Variants in PDE7B observed in about 807,000 individuals in gnomAD.
PDE7B encodes phosphodiesterase 7B.
Under a neutral mutation model 56.2 loss-of-function variants are expected in PDE7B, and 29 were observed. That is an observed-to-expected ratio of 0.52 (90% CI 0.38 to 0.70). PDE7B has a LOEUF of 0.70. Ranked by LOEUF, PDE7B falls within the 30% of genes least tolerant of loss-of-function variation. The pLI, the probability that PDE7B is intolerant of heterozygous loss-of-function variation, is 0.00. For missense variants in PDE7B, 490 were observed against 565.0 expected, an observed-to-expected ratio of 0.87 and a Z score of 1.35; for synonymous variants, 197 against 196.9, an observed-to-expected ratio of 1.00 and a Z score of 0.00.
intron 2 of PDE7B, among the ~76,000 whole-genome samples, chr6:135,992,502 T>C (rs538342493): frequency 3.9e-5 from 6 of 152,362 alleles, no homozygotes; most frequent in African/African-American, 1.4e-4. Context: ...AAGCCAGCAC[T>C]GCACAGTGCC....
intron 2 of PDE7B, among the ~76,000 whole-genome samples, chr6:136,016,737 A>T (rs544593353): frequency 6.6e-6 from 1 of 152,190 alleles, no homozygotes; most frequent in African/African-American, 2.4e-5. Flanking sequence ...CTGCAACAGA[A>T]CTGGAAAGGC....
intron 2 of PDE7B, among the ~76,000 whole-genome samples, chr6:135,985,169 C>G (rs541485645): frequency 2.8e-4 from 43 of 152,162 alleles, no homozygotes; most frequent in Non-Finnish European, 5.7e-4. Context: ...AAAGGACTGT[C>G]ATGCTGCTGT....
chr6:135,929,302 C>T (rs548188176), intron 1 of PDE7B, among the ~76,000 whole-genome samples: 19 of 151,826 alleles, frequency 1.3e-4, no homozygotes, highest in African/African-American at 3.1e-4. Context: ...AATGAGCGTA[C>T]GGGACATGCA....
chr6:135,953,281 G>A (rs1030231634), intron 2 of PDE7B, among the ~76,000 whole-genome samples: 1 of 151,946 alleles, frequency 6.6e-6, no homozygotes, highest in Non-Finnish European at 1.5e-5. Flanking sequence ...ACACTTATGA[G>A]ACCTATATAC....
Position 136,186,054 on chromosome 6 carries a change from C to T in PDE7B, c.1046-982C>T, listed in dbSNP as rs1002188323. On this transcript the variant is annotated intron_variant, in intron 11 of 12. Coordinates refer to ENST00000308191, the MANE Select transcript of PDE7B (RefSeq NM_018945.4). ...GCAAATGTAATTGTGGGTTTTGCCACGGAAAGTAAGGGCAAAAAAAACACA... is the reference window on the plus strand; with the variant it reads ...GCAAATGTAATTGTGGGTTTTGCCATGGAAAGTAAGGGCAAAAAAAACACA... 7.3e-5 allele frequency among the ~76,000 whole-genome samples: 11 copies of T among 151,354 alleles called. No individual in the cohort carries two copies. The East Asian group carries it at 7.8e-4, about 11-fold the overall frequency.
At chr6:135,953,434 A>G (rs1015081305) in intron 2 of PDE7B, among the ~76,000 whole-genome samples, 1 of 152,174 alleles carries the variant, frequency 6.6e-6, no homozygotes, top group Non-Finnish European at 1.5e-5. Flanking sequence ...GAGGCATGTC[A>G]TTTAGGGGTT....
chr6:136,021,292 C>T (rs564688794), intron 2 of PDE7B, among the ~76,000 whole-genome samples: 1 of 152,262 alleles, frequency 6.6e-6, no homozygotes, highest in Non-Finnish European at 1.5e-5. Context: ...AACACAAGAG[C>T]CGCTGCTCTT....
intron 1 of PDE7B, among the ~76,000 whole-genome samples, chr6:135,903,634 A>C (rs1776045001): frequency 6.6e-6 from 1 of 152,198 alleles, no homozygotes; most frequent in Non-Finnish European, 1.5e-5. Context: ...TTCAGGGCCA[A>C]AGAGGTCCAT....
At chr6:135,936,033 C>T (rs1477486436) in intron 1 of PDE7B, among the ~76,000 whole-genome samples, 2 of 152,212 alleles carry the variant, frequency 1.3e-5, no homozygotes, top group Admixed American at 6.5e-5. Flanking sequence ...CTCAGAGGCT[C>T]TGCGTTTGCA....
chr6:136,078,445 A>G (rs73559590), intron 2 of PDE7B, among the ~76,000 whole-genome samples: 4,247 of 152,260 alleles, frequency 0.028, 194 homozygotes, highest in African/African-American at 0.095. Context: ...TGCTAGATCC[A>G]TTCTAGTCTC....
At chr6:136,172,500 A>T (rs561469396) in intron 8 of PDE7B, among the ~76,000 whole-genome samples, 8 of 151,952 alleles carry the variant, frequency 5.3e-5, no homozygotes, top group Non-Finnish European at 1.0e-4. Flanking sequence ...TTTCTTGTAA[A>T]TTTGTTTGAG....
chr6:135,928,483 T>TTAGATATA (rs1774235188), intron 1 of PDE7B, among the ~76,000 whole-genome samples: 1 of 96,866 alleles, frequency 1.0e-5, no homozygotes, highest in Admixed American at 1.6e-4. Context: ...ATATATATAT[T>TTAGATATA]TATTTATATA....
intron 2 of PDE7B, among the ~76,000 whole-genome samples, chr6:136,076,412 G>A (rs556836883): frequency 6.7e-4 from 102 of 152,248 alleles, no homozygotes; most frequent in Non-Finnish European, 1.3e-3. Context: ...GGCGGAGGTT[G>A]CAGTGAGCCA....
intron 8 of PDE7B, among the ~76,000 whole-genome samples, chr6:136,165,983 A>G (rs1310129435): frequency 1.3e-5 from 2 of 152,214 alleles, no homozygotes; most frequent in Admixed American, 1.3e-4. Flanking sequence ...AAGGCCATCA[A>G]AATGATGACT....
At chr6:135,983,002 G>A (rs1285166574) in intron 2 of PDE7B, among the ~76,000 whole-genome samples, 1 of 152,156 alleles carries the variant, frequency 6.6e-6, no homozygotes, top group Non-Finnish European at 1.5e-5. Context: ...GATCTGATGA[G>A]CACCATTAAT....
Position 136,176,409 on chromosome 6 carries a change from T to A in PDE7B, c.803+2521T>A, listed in dbSNP as rs190860878. 2.0e-5 allele frequency among the ~76,000 whole-genome samples: 3 copies of A among 152,264 alleles called. No homozygotes were observed. In the East Asian group the frequency reaches 5.8e-4, roughly 29 times the overall value. On this transcript the variant is annotated intron_variant, in intron 9 of 12. Transcript: ENST00000308191. ...GTGACCATAGAGATCATGCTTTACATGCTTTGCATTTTGTTTGTAGCATTA... is the reference window on the plus strand; with the variant it reads ...GTGACCATAGAGATCATGCTTTACAAGCTTTGCATTTTGTTTGTAGCATTA...
At chr6:135,926,101 AGGGGG>A (rs1458954637) in intron 1 of PDE7B, among the ~76,000 whole-genome samples, 1 of 16,862 alleles carries the variant, frequency 5.9e-5, no homozygotes, top group Non-Finnish European at 1.3e-4. Flanking sequence ...GGGGGGGGGG[AGGGGG>A]GATGGAGTTT....
At chr6:136,073,851 G>A (rs765384690) in intron 2 of PDE7B, among the ~76,000 whole-genome samples, 7 of 152,118 alleles carry the variant, frequency 4.6e-5, no homozygotes, top group Non-Finnish European at 1.0e-4. Flanking sequence ...GAATTTCAGC[G>A]TGATTTCTAA....
intron 3 of PDE7B, among the ~76,000 whole-genome samples, chr6:136,140,728 G>A (rs556018937): frequency 1.3e-5 from 2 of 152,280 alleles, no homozygotes; most frequent in South Asian, 4.1e-4. Context: ...TCTCTTTGAA[G>A]CAATTGTGAA....
Sources: gnomAD v4.1 joint callset for allele counts (sites outside exome capture counted in the v4.1 genomes callset) on GRCh38, gnomAD v4.1.1 for gene constraint, MANE v1.5 for transcripts, NCBI Gene and HGNC (gene_info 2026-07-23, HGNC 2026-07-21) for gene names.